The following KIF18A variants were observed in gnomAD, a reference collection of about 807,000 sequenced individuals.
The protein encoded by KIF18A is kinesin-like protein KIF18A.
In KIF18A, 67 loss-of-function variants were observed where a neutral mutation model predicts 103.3. The ratio of observed to expected loss-of-function variants is 0.65; its 90% CI spans 0.53 to 0.79. KIF18A has a LOEUF of 0.79. KIF18A is among the 30% of genes least tolerant of loss of function. The probability of loss-of-function intolerance (pLI) is 0.00; values close to 1 mark genes in which losing one functional copy is unlikely to be tolerated. For synonymous variants in KIF18A, 367 were observed against 355.5 expected, an observed-to-expected ratio of 1.03 and a Z score of -0.36; for missense variants, 1,032 against 1,062.5, an observed-to-expected ratio of 0.97 and a Z score of 0.40.
intron 15 of KIF18A, among the ~76,000 whole-genome samples, chr11:28,032,537 A>G (rs1850424438): frequency 6.6e-6 from 1 of 151,948 alleles, no homozygotes; most frequent in African/African-American, 2.4e-5. Flanking sequence ...CCAGTGGAAC[A>G]GAATAGAGAG....
intron 11 of KIF18A, among the ~76,000 whole-genome samples, chr11:28,063,127 A>G (rs1430993049): frequency 1.3e-5 from 2 of 152,080 alleles, no homozygotes. Context: ...TGGTTGGATG[A>G]CATGGTTAGA....
intron 13 of KIF18A, among the ~76,000 whole-genome samples, chr11:28,055,631 G>A (rs909210964): frequency 7.2e-5 from 11 of 152,104 alleles, no homozygotes; most frequent in African/African-American, 2.7e-4. Flanking sequence ...CTACAGTTTA[G>A]TATCAAATTA....
Position 28,023,749 on chromosome 11 carries a change from G to A in KIF18A, c.2606C>T (p.Pro869Leu). The A allele has an allele frequency of 6.3e-7, 1 of 1,591,406 alleles. No individual in the cohort carries two copies. The stretch of plus-strand genomic sequence containing the variant: ...TAAAAGCTGAGACATACCCATTGTT[G>A]GTTTGTTTTCTTGTAAGTGCTTCTC... ...SSEKHLQENK[P>L]TMEHKRNICK... Residue 869 changes from proline to leucine, a missense_variant, in exon 16 of 17, where the codon CCA becomes CTA. Physicochemically the swap from Pro to Leu is moderately conservative, Grantham distance 98. Transcript: ENST00000263181.
intron 16 of KIF18A, among the ~76,000 whole-genome samples, chr11:28,022,920 A>C (rs943894599): frequency 1.3e-5 from 2 of 152,208 alleles, no homozygotes; most frequent in Admixed American, 1.3e-4. Context: ...AATAGCTTTC[A>C]TGTTATCCTT....
chr11:28,098,493 C>T (rs575364903), intron 1 of KIF18A, among the ~76,000 whole-genome samples: 4 of 152,272 alleles, frequency 2.6e-5, no homozygotes, highest in African/African-American at 9.6e-5. Flanking sequence ...CTGCAAGCCC[C>T]TTGGCCGTGG....
chr11:28,099,504 A>C (rs1333993421), intron 1 of KIF18A, among the ~76,000 whole-genome samples: 1 of 152,204 alleles, frequency 6.6e-6, no homozygotes, highest in Non-Finnish European at 1.5e-5. Flanking sequence ...GGATATGTTA[A>C]TTAATTAGCC....
chr11:28,077,739 C>A (rs538528559), intron 9 of KIF18A, among the ~76,000 whole-genome samples: 3 of 152,202 alleles, frequency 2.0e-5, no homozygotes, highest in South Asian at 4.1e-4. Context: ...TTAGGTACCC[C>A]CTACAGCCTG....
At chr11:28,070,499 C>T (rs996469315) in intron 10 of KIF18A, among the ~76,000 whole-genome samples, 2 of 152,168 alleles carry the variant, frequency 1.3e-5, no homozygotes, top group Non-Finnish European at 2.9e-5. Flanking sequence ...GATTCCATTT[C>T]AGGCTAGAGT....
At chr11:28,095,011 C>T (rs1225111870) in intron 2 of KIF18A, among the ~76,000 whole-genome samples, 3 of 152,212 alleles carry the variant, frequency 2.0e-5, no homozygotes, top group Middle Eastern at 6.8e-3. Context: ...GGTATCACTA[C>T]CCCCGGCCCC....
intron 1 of KIF18A, among the ~76,000 whole-genome samples, chr11:28,106,551 C>CAAAA (rs11301094): frequency 1.1e-4 from 9 of 82,254 alleles, no homozygotes; most frequent in Admixed American, 2.6e-4. Flanking sequence ...CAGTTGTCAG[C>CAAAA]AAAAAAAAAA....
intron 5 of KIF18A, among the ~76,000 whole-genome samples, chr11:28,089,923 A>T (rs79761447): frequency 0.033 from 5,032 of 152,290 alleles, 159 homozygotes; most frequent in East Asian, 0.17. Flanking sequence ...CAAGACTATT[A>T]ATAACCGAAG....
At chr11:28,092,607 A>G (rs553067453) in intron 3 of KIF18A, among the ~76,000 whole-genome samples, 12 of 152,326 alleles carry the variant, frequency 7.9e-5, no homozygotes, top group African/African-American at 2.6e-4. Context: ...TTAAAGGTAT[A>G]AAGTTTATTA....
rs932180336 is a variant in KIF18A, at chr11:28,023,906, T to C, written c.2505-56A>G. On this transcript the variant is annotated intron_variant, in intron 15 of 16. Coordinates refer to ENST00000263181, the MANE Select transcript of KIF18A (RefSeq NM_031217.4). ...GCATTTTTTTTATACCTCAAAGTTCTAATACATATTGTACATGCGACAATG... is the reference window on the plus strand; with the variant it reads ...GCATTTTTTTTATACCTCAAAGTTCCAATACATATTGTACATGCGACAATG... 4.6e-6 allele frequency: 4 copies of C among 862,180 alleles called. No homozygotes were observed. The South Asian group carries it at 6.0e-5, about 13-fold the overall frequency. The allele number at this position is 862,180 out of a possible 1,614,324, so 53.4% of individuals were successfully genotyped here. A position where few individuals can be genotyped will look rare whatever the true frequency, so the allele number is the denominator to read the frequency against.
At chr11:28,038,069 A>G (rs1304078086) in intron 13 of KIF18A, among the ~76,000 whole-genome samples, 1 of 151,438 alleles carries the variant, frequency 6.6e-6, no homozygotes, top group Non-Finnish European at 1.5e-5. Flanking sequence ...TTATGCTTAT[A>G]GTTAAAACAT....
chr11:28,045,198 A>G (rs1160193327), intron 13 of KIF18A, among the ~76,000 whole-genome samples: 3 of 152,028 alleles, frequency 2.0e-5, no homozygotes, highest in Non-Finnish European at 4.4e-5. Context: ...AAGTTTGATA[A>G]ATTGACTGCC....
chr11:28,059,985 G>A (rs552208866), intron 12 of KIF18A, among the ~76,000 whole-genome samples: 21 of 152,178 alleles, frequency 1.4e-4, no homozygotes, highest in African/African-American at 2.4e-5. Flanking sequence ...CACTTAAAGG[G>A]ATTTTAAGGA....
intron 16 of KIF18A, among the ~76,000 whole-genome samples, 190 bp downstream of exon 16, chr11:28,023,551 T>C (rs977078059): frequency 6.6e-6 from 1 of 152,170 alleles, no homozygotes; most frequent in African/African-American, 2.4e-5. Context: ...ATCTGTGTGA[T>C]CTTGGGTAAA....
intron 15 of KIF18A, among the ~76,000 whole-genome samples, chr11:28,026,426 AG>A (rs1395991569): frequency 1.0e-3 from 152 of 151,990 alleles, no homozygotes; most frequent in Admixed American, 1.7e-3. Flanking sequence ...GATTAAAAAA[AG>A]TAATCATGTA....
intron 11 of KIF18A, among the ~76,000 whole-genome samples, chr11:28,063,006 C>T (rs1393440960): frequency 2.6e-5 from 4 of 152,034 alleles, no homozygotes; most frequent in East Asian, 1.9e-4. Context: ...GGACAGGCAC[C>T]GAGTCAGGTT....
Sources: gnomAD v4.1 joint callset for allele counts (sites outside exome capture counted in the v4.1 genomes callset) on GRCh38, gnomAD v4.1.1 for gene constraint, MANE v1.5 for transcripts, NCBI Gene and HGNC (gene_info 2026-07-23, HGNC 2026-07-21) for gene names.